Variants in VAC14 observed in about 807,000 individuals in gnomAD.
VAC14 encodes VAC14 component of PIKFYVE complex, also known as protein VAC14 homolog.
VAC14 carries 47 observed loss-of-function variants against 85.3 expected under a neutral mutation model. The ratio of observed to expected loss-of-function variants is 0.55; its 90% confidence interval spans 0.44 to 0.70. VAC14 has a LOEUF of 0.70. Ranked by LOEUF, VAC14 falls within the 30% of genes least tolerant of loss-of-function variation. VAC14 has a pLI of 0.00. For synonymous variants in VAC14, 447 were observed against 430.5 expected, an observed-to-expected ratio of 1.04 and a Z score of -0.47; for missense variants, 861 against 1,004.3, an observed-to-expected ratio of 0.86 and a Z score of 1.93.
chr16:70,784,051 T>C, intron 5 of VAC14, 62 bp downstream of exon 5: 1 of 1,358,128 alleles, frequency 7.4e-7, no homozygotes, highest in Non-Finnish European at 1.1e-6. Context: ...CTGACAAGAG[T>C]GTGCTAGAGA....
intron 14 of VAC14, among the ~76,000 whole-genome samples, chr16:70,723,885 C>G (rs990275875): frequency 2.0e-5 from 3 of 152,266 alleles, no homozygotes; most frequent in African/African-American, 7.2e-5. Flanking sequence ...AATCTGCTGC[C>G]AGGTCCTCCC....
In VAC14 at chr16:70,698,814, G is replaced by A; in HGVS notation, c.1662-3C>T. Reference sequence around the variant, plus strand: ...CATTCAGCAGGAGGCACAGCTGCCTGGAGAGCAGGCAGACTGGGGTCAGGG... The same window carrying A: ...CATTCAGCAGGAGGCACAGCTGCCTAGAGAGCAGGCAGACTGGGGTCAGGG... On this transcript the variant is annotated splice_region_variant and splice_polypyrimidine_tract_variant and intron_variant, in intron 14 of 18. Coordinates refer to ENST00000261776, the MANE Select transcript of VAC14 (RefSeq NM_018052.5). 3 of 1,613,610 alleles carry A rather than the reference G, an allele frequency of 1.9e-6. No individual in the cohort carries two copies. The South Asian group carries it at 3.3e-5, about 18-fold the overall frequency.
intron 12 of VAC14, among the ~76,000 whole-genome samples, chr16:70,750,509 G>A (rs1203328704): frequency 3.9e-5 from 6 of 152,142 alleles, no homozygotes. Context: ...CTGGCCATTG[G>A]TGGAGTGAAA....
intron 12 of VAC14, among the ~76,000 whole-genome samples, chr16:70,757,116 A>C (rs573018606): frequency 6.6e-6 from 1 of 152,194 alleles, no homozygotes; most frequent in Non-Finnish European, 1.5e-5. Context: ...ACTCTTCTCC[A>C]AAGTGTTAAG....
In VAC14 at chr16:70,745,518, T is replaced by TGCGC. The variant is rs370869532; in HGVS notation, c.1372-943_1372-940dup. ...GTGTGTGTGTGTGTGTGTGTGTGTG[T>TGCGC]GCGCGTGTGCGCGCGTGTGCCTGTG... On this transcript the variant is annotated intron_variant, in intron 12 of 18. Transcript: ENST00000261776. 8.6e-3 allele frequency among the ~76,000 whole-genome samples: 1,212 copies of TGCGC among 141,094 alleles called. 33 individuals carry two copies. The highest frequency in any genetic ancestry group is 0.033 in the African/African-American group (1,079 of 32,694). 92.6% of individuals were successfully genotyped at this position (141,094 alleles called of 152,430 possible). A position where few individuals can be genotyped will look rare whatever the true frequency, so the allele number is the denominator to read the frequency against.
rs780262988 is a variant in VAC14 at position 70,783,527 on chromosome 16, T to C, written c.622A>G (p.Ile208Val). ...TCCGGCAGGTAATCCAGCAGGTTAA[T>C]GTCTGGCACCGACTCCAGAACCAGG... is the stretch of plus-strand genomic sequence containing the variant. Reference protein sequence around the residue: ...WILVLESVPDINLLDYLPEIL... With the variant: ...WILVLESVPDVNLLDYLPEIL... The change falls in exon 6 of 19, where the codon ATT (isoleucine) becomes GTT (valine). Residue 208 changes from isoleucine to valine, a missense_variant. Ile to Val is a conservative substitution (Grantham distance 29, BLOSUM62 3). This residue lies in a region of VAC14 where 629 missense variants were observed against 703.1 expected (regional missense o/e 0.89). Transcript: ENST00000261776. The C allele has an allele frequency of 6.2e-6, 10 of 1,613,862 alleles. No homozygotes were observed. In the Admixed American group the frequency reaches 1.5e-4, roughly 24 times the overall value.
chr16:70,693,374 T>C (rs902751470), intron 17 of VAC14, among the ~76,000 whole-genome samples: 2 of 152,166 alleles, frequency 1.3e-5, no homozygotes, highest in South Asian at 4.1e-4. Flanking sequence ...TGTAACATAT[T>C]CTCCAGTTGG....
chr16:70,687,818 C>T lies in VAC14; in HGVS notation c.*110G>A, dbSNP rs553168564. On this transcript the variant is annotated 3_prime_UTR_variant, in exon 19 of 19. Coordinates refer to ENST00000261776, the MANE Select transcript of VAC14 (RefSeq NM_018052.5). ...CGGCCCCAACACTGCCCTGGGTTGGCAGGCCCAGCCCTGGTCCTGACAGGC... is the reference window on the plus strand; with the variant it reads ...CGGCCCCAACACTGCCCTGGGTTGGTAGGCCCAGCCCTGGTCCTGACAGGC... 2.0e-5 allele frequency: 25 copies of T among 1,220,422 alleles called. No individual in the cohort carries two copies. Among genetic ancestry groups the T allele is most frequent in the Middle Eastern group, 6.2e-4 (2 of 3,238 alleles). 75.6% of individuals were successfully genotyped at this position (1,220,422 alleles called of 1,614,324 possible).
intron 13 of VAC14, among the ~76,000 whole-genome samples, chr16:70,743,443 T>C (rs1363679869): frequency 1.3e-5 from 2 of 152,202 alleles, no homozygotes; most frequent in African/African-American, 4.8e-5. Context: ...TCACAATAAA[T>C]CTTGCTGCTG....
chr16:70,752,592 ACCAGGAGATAAGCCTAGGGGCCACGGCAG>A (rs1329633594), intron 12 of VAC14, among the ~76,000 whole-genome samples: 1 of 152,226 alleles, frequency 6.6e-6, no homozygotes, highest in Non-Finnish European at 1.5e-5. Flanking sequence ...TGGCTCTGTC[ACCAGGAGATAAGCCTAGGGGCCACGGCAG>A]CCAGGAGAAG....
At chr16:70,767,663 G>A (rs373301060) in intron 10 of VAC14, among the ~76,000 whole-genome samples, 5 of 152,280 alleles carry the variant, frequency 3.3e-5, no homozygotes, top group Middle Eastern at 3.4e-3. Context: ...TTAAATGCAC[G>A]GGCTCTGGAG....
At chr16:70,772,529 C>T (rs561684077) in intron 9 of VAC14, 8 of 196,494 alleles carry the variant, frequency 4.1e-5, no homozygotes, top group South Asian at 1.4e-4. Context: ...CCACAAGATA[C>T]TACTGTACAC....
chr16:70,750,372 AAG>A (rs1430076474), intron 12 of VAC14, among the ~76,000 whole-genome samples: 2 of 152,212 alleles, frequency 1.3e-5, no homozygotes, highest in African/African-American at 4.8e-5. Context: ...GAAGGGAGGA[AAG>A]AGAGGGAGGG....
intron 1 of VAC14, among the ~76,000 whole-genome samples, chr16:70,799,300 C>T (rs1235768060): frequency 6.6e-6 from 1 of 152,066 alleles, no homozygotes; most frequent in Non-Finnish European, 1.5e-5. Flanking sequence ...ATAAGACTTG[C>T]TAGCATTCGT....
chr16:70,777,819 T>G (rs1457093982), intron 9 of VAC14, among the ~76,000 whole-genome samples: 2 of 152,024 alleles, frequency 1.3e-5, no homozygotes, highest in Non-Finnish European at 2.9e-5. Context: ...AGGCATGAGG[T>G]CCTGTCTCCA....
chr16:70,697,011 C>T, intron 16 of VAC14, 128 bp downstream of exon 16: 1 of 728,798 alleles, frequency 1.4e-6, no homozygotes, highest in Non-Finnish European at 2.4e-6. Context: ...GTCACAAGCC[C>T]TGAGGCTGAG....
chr16:70,722,877 C>T (rs775372165), intron 14 of VAC14, among the ~76,000 whole-genome samples: 1 of 152,070 alleles, frequency 6.6e-6, no homozygotes, highest in African/African-American at 2.4e-5. Context: ...CCCAGGAGTT[C>T]AAGACCAGCC....
intron 14 of VAC14, among the ~76,000 whole-genome samples, chr16:70,723,361 C>T (rs563192659): frequency 1.3e-5 from 2 of 151,886 alleles, no homozygotes; most frequent in African/African-American, 4.8e-5. Context: ...GAGGTCACAG[C>T]GAGGTGAGCC....
At chr16:70,784,917 C>T (rs1200021056) in intron 3 of VAC14, 79 bp from the exon 4 acceptor site, 1 of 1,320,910 alleles carries the variant, frequency 7.6e-7, no homozygotes, top group African/African-American at 1.4e-5. Context: ...TCCTGCAAAT[C>T]CGCAGCCGAG....
Sources: allele counts gnomAD v4.1 joint callset (sites outside exome capture counted in the v4.1 genomes callset), GRCh38; gene constraint gnomAD v4.1.1; regional missense constraint gnomAD v4.1.1; transcripts MANE v1.5; gene names NCBI Gene and HGNC (gene_info 2026-07-23, HGNC 2026-07-21).